Variants in SLC35A3 observed in about 807,000 individuals in gnomAD.
SLC35A3 encodes the protein UDP-N-acetylglucosamine transporter.
In SLC35A3, 26 loss-of-function variants were observed where a neutral mutation model predicts 39.0. The observed-to-expected ratio is 0.67, with a 90% CI of 0.49 to 0.92. SLC35A3 has a LOEUF of 0.92. Among genes scored for constraint, SLC35A3 ranks in the 40% least tolerant of loss-of-function variants. The pLI is 0.00. For synonymous variants in SLC35A3, 135 were observed against 133.1 expected (o/e 1.01, Z -0.10); for missense variants, 299 against 371.6 (o/e 0.80, Z 1.61).
chr1:99,983,776 C>T (rs934045679), intron 1 of SLC35A3, among the ~76,000 whole-genome samples: 1 of 151,838 alleles, frequency 6.6e-6, no homozygotes, highest in African/African-American at 2.4e-5. Flanking sequence ...CAGGCGCCCA[C>T]CACGCCTGGC....
At chr1:100,009,104 C>T (rs953466376) in intron 4 of SLC35A3, 2 of 152,122 alleles carry the variant, frequency 1.3e-5, no homozygotes, top group Non-Finnish European at 2.9e-5. Flanking sequence ...CAGGTGCCCA[C>T]TTGGTACTTA....
At chr1:100,007,260 A>G in intron 4 of SLC35A3, 104 bp downstream of exon 4, 2 of 1,063,964 alleles carry the variant, frequency 1.9e-6, no homozygotes, top group Admixed American at 4.9e-5. Context: ...GAAACCAACA[A>G]ATGTTTTTCC....
At chr1:99,995,011 G>A (rs1406676767) in intron 2 of SLC35A3, among the ~76,000 whole-genome samples, 1 of 151,916 alleles carries the variant, frequency 6.6e-6, no homozygotes, top group Non-Finnish European at 1.5e-5. Context: ...TCTAATAGGT[G>A]TGAAGTAGTT....
intron 3 of SLC35A3, among the ~76,000 whole-genome samples, chr1:100,003,318 A>G (rs1658949688): frequency 6.9e-6 from 1 of 145,094 alleles, no homozygotes; most frequent in Non-Finnish European, 1.5e-5. Flanking sequence ...CAGGAGGCTG[A>G]GGTAGGAGAA....
Position 99,972,499 on chromosome 1 carries a change from C to G in SLC35A3, c.-19+2337C>G, listed in dbSNP as rs1656876962. Among the ~76,000 whole-genome samples, 2 of 151,314 alleles carry G rather than the reference C, an allele frequency of 1.3e-5. 1 individual carries two copies. The highest frequency in any genetic ancestry group is 4.2e-4 in the South Asian group (2 of 4,786). Reference sequence around the variant, plus strand: ...TACAGGCGTGCATCACCACACCTAGCTAATTTTTGTATTTTTAGTAGAGAC... The same window carrying G: ...TACAGGCGTGCATCACCACACCTAGGTAATTTTTGTATTTTTAGTAGAGAC... On this transcript the variant is annotated intron_variant, in intron 1 of 7. Transcript: ENST00000533028.
chr1:99,990,565 C>T (rs958985191), intron 1 of SLC35A3, among the ~76,000 whole-genome samples: 12 of 152,038 alleles, frequency 7.9e-5, no homozygotes, highest in South Asian at 4.2e-4. Flanking sequence ...AGCGAGACTC[C>T]GTCTCAAAAA....
chr1:100,022,757 G>C lies in SLC35A3; in HGVS notation c.*281G>C, dbSNP rs1434568884. On this transcript the variant is annotated 3_prime_UTR_variant, in exon 8 of 8. Transcript: ENST00000533028. Reference sequence around the variant, plus strand: ...AGATTTTACCTTTTTGATTGCTGCAGAAATGTCCTATGCACTCTTTGCAAG... The same window carrying C: ...AGATTTTACCTTTTTGATTGCTGCACAAATGTCCTATGCACTCTTTGCAAG... 8.8e-6 allele frequency: 2 copies of C among 228,396 alleles called. No homozygotes were observed. The highest frequency in any genetic ancestry group is 1.7e-5 in the Non-Finnish European group (2 of 118,240). 14.1% of individuals were successfully genotyped at this position (228,396 alleles called of 1,614,324 possible). A position where few individuals can be genotyped will look rare whatever the true frequency, so the allele number is the denominator to read the frequency against.
At chr1:99,976,776 G>C (rs1231136143) in intron 1 of SLC35A3, among the ~76,000 whole-genome samples, 1 of 152,186 alleles carries the variant, frequency 6.6e-6, no homozygotes, top group Non-Finnish European at 1.5e-5. Flanking sequence ...TGAACACAAA[G>C]AAGGGGACAC....
intron 7 of SLC35A3, 49 bp from the exon 8 acceptor site, chr1:100,022,337 T>C (rs1391686078): frequency 9.9e-7 from 1 of 1,011,076 alleles, no homozygotes. Context: ...GAACTTGTTC[T>C]GCTTTTAATC....
intron 1 of SLC35A3, among the ~76,000 whole-genome samples, chr1:99,986,730 G>C (rs1156647845): frequency 6.6e-6 from 1 of 151,598 alleles, no homozygotes; most frequent in Non-Finnish European, 1.5e-5. Flanking sequence ...TGGGACCACA[G>C]GCACAGGCCA....
chr1:99,998,333 T>A (rs948980583), intron 2 of SLC35A3, among the ~76,000 whole-genome samples: 26 of 151,536 alleles, frequency 1.7e-4, no homozygotes, highest in South Asian at 8.3e-4. Flanking sequence ...TAAAAAAAAA[T>A]TTTTTTTTGA....
intron 2 of SLC35A3, among the ~76,000 whole-genome samples, chr1:99,998,000 T>C (rs1017161446): frequency 6.6e-6 from 1 of 152,106 alleles, no homozygotes; most frequent in Admixed American, 6.6e-5. Flanking sequence ...TGATGGCACC[T>C]TGACCCATTA....
At chr1:100,015,511 G>A (rs1570622406) in intron 6 of SLC35A3, 91 bp downstream of exon 6, 1 of 1,290,844 alleles carries the variant, frequency 7.7e-7, no homozygotes, top group Non-Finnish European at 1.0e-6. Context: ...ATGTGAGGGG[G>A]AAAAGGTCCC....
chr1:99,970,943 T>C (rs1315459534), intron 1 of SLC35A3, among the ~76,000 whole-genome samples: 1 of 152,182 alleles, frequency 6.6e-6, no homozygotes, highest in African/African-American at 2.4e-5. Flanking sequence ...TCCCAACTGT[T>C]GATTCTATCT....
intron 4 of SLC35A3, chr1:100,009,232 G>A (rs937036705): frequency 9.2e-5 from 14 of 152,166 alleles, no homozygotes; most frequent in Non-Finnish European, 1.8e-4. Flanking sequence ...TCCCAATCTA[G>A]TAGTGGCAGA....
At chr1:99,991,938 G>A (rs895469135) in intron 1 of SLC35A3, among the ~76,000 whole-genome samples, 6 of 152,160 alleles carry the variant, frequency 3.9e-5, no homozygotes, top group South Asian at 2.1e-4. Context: ...TAGTAGAGAC[G>A]AGGTTTCACC....
rs181672515 is a variant in SLC35A3 at position 100,020,210 on chromosome 1, T to G, written c.888-2176T>G. ...AGTTTTATCCTAATTTTTTTTTTTCTGAGACAACTTTCTCTCTCAGAACCA... is the reference window on the plus strand; with the variant it reads ...AGTTTTATCCTAATTTTTTTTTTTCGGAGACAACTTTCTCTCTCAGAACCA... On this transcript the variant is annotated intron_variant, in intron 7 of 7. Transcript: ENST00000533028. 2.0e-5 allele frequency among the ~76,000 whole-genome samples: 3 copies of G among 152,316 alleles called. 1 individual carries two copies. The highest frequency in any genetic ancestry group is 2.0e-4 in the Admixed American group (3 of 15,298).
chr1:100,008,472 A>G (rs1339644346), intron 4 of SLC35A3: 1 of 152,234 alleles, frequency 6.6e-6, no homozygotes, highest in Non-Finnish European at 1.5e-5. Context: ...ACACAGACCT[A>G]TAGGATAAAG....
chr1:100,017,476 A>G (rs1003048032), intron 6 of SLC35A3, among the ~76,000 whole-genome samples: 2 of 152,220 alleles, frequency 1.3e-5, no homozygotes, highest in Non-Finnish European at 2.9e-5. Flanking sequence ...CCTGGTAGTT[A>G]CTTTAATTAA....
Sources: gnomAD v4.1 joint callset for allele counts (sites outside exome capture counted in the v4.1 genomes callset) on GRCh38, gnomAD v4.1.1 for gene constraint, MANE v1.5 for transcripts, NCBI Gene and HGNC (gene_info 2026-07-23, HGNC 2026-07-21) for gene names.